Variants in NRG3 observed in about 807,000 individuals in gnomAD.
The protein encoded by NRG3 is neuregulin 3, also known as pro-neuregulin-3, membrane-bound isoform.
Under a neutral mutation model 66.9 loss-of-function variants are expected in NRG3, and 31 were observed. The observed-to-expected ratio is 0.46, with a 90% confidence interval of 0.35 to 0.63. The LOEUF is 0.63. Among genes scored for constraint, NRG3 ranks in the 20% least tolerant of loss-of-function variants. NRG3 has a pLI of 0.00. For synonymous variants in NRG3, 393 were observed against 359.4 expected (o/e 1.09, Z -1.06); for missense variants, 910 against 878.9 (o/e 1.04, Z -0.45).
chr10:82,484,571 A>G (rs1842534484), intron 2 of NRG3, among the ~76,000 whole-genome samples: 1 of 152,192 alleles, frequency 6.6e-6, no homozygotes, highest in South Asian at 2.1e-4. Context: ...TACATAAGCT[A>G]TCTTTGGCAT....
At chr10:82,556,024 G>T (rs1258898173) in intron 2 of NRG3, among the ~76,000 whole-genome samples, 1 of 152,022 alleles carries the variant, frequency 6.6e-6, no homozygotes, top group African/African-American at 2.4e-5. Context: ...TCTTGTCAAG[G>T]TCACCAAATT....
intron 1 of NRG3, among the ~76,000 whole-genome samples, chr10:82,270,629 C>T (rs2078542926): frequency 6.6e-6 from 1 of 152,044 alleles, no homozygotes; most frequent in Admixed American, 6.6e-5. Context: ...GTCAACTTTC[C>T]TTTGCCCTTC....
chr10:82,702,767 CT>C (rs2055984671), intron 2 of NRG3, among the ~76,000 whole-genome samples: 2 of 152,058 alleles, frequency 1.3e-5, no homozygotes, highest in South Asian at 4.2e-4. Context: ...TCCAGATGTA[CT>C]GAGCTGGGGA....
chr10:82,719,633 C>T (rs1258274833), intron 2 of NRG3, among the ~76,000 whole-genome samples: 7 of 152,160 alleles, frequency 4.6e-5, no homozygotes, highest in Admixed American at 4.6e-4. Flanking sequence ...TCTAGGGTTT[C>T]AGCTCCTGTC....
intron 4 of NRG3, among the ~76,000 whole-genome samples, chr10:82,922,835 C>G (rs1923565): frequency 0.49 from 73,773 of 151,872 alleles, 19,166 homozygotes; most frequent in East Asian, 0.68. Flanking sequence ...TCCATATTGT[C>G]CCATCCCCCT....
chr10:82,141,777 T>C (rs938905885), intron 1 of NRG3, among the ~76,000 whole-genome samples: 2 of 152,154 alleles, frequency 1.3e-5, no homozygotes, highest in African/African-American at 4.8e-5. Flanking sequence ...AAGTAACTTT[T>C]TTGATAAGCA....
chr10:82,784,033 GA>G (rs1202878138), intron 3 of NRG3, among the ~76,000 whole-genome samples: 2 of 151,864 alleles, frequency 1.3e-5, no homozygotes, highest in African/African-American at 4.9e-5. Flanking sequence ...GAACAGAACA[GA>G]GCCCTCAGAA....
chr10:82,602,230 C>T (rs1281473899), intron 2 of NRG3, among the ~76,000 whole-genome samples: 3 of 152,062 alleles, frequency 2.0e-5, no homozygotes, highest in Non-Finnish European at 2.9e-5. Flanking sequence ...TATGTTTCTT[C>T]TCTGGCCTAC....
At chr10:82,736,279 T>C (rs1022828410) in intron 2 of NRG3, among the ~76,000 whole-genome samples, 8 of 152,260 alleles carry the variant, frequency 5.3e-5, no homozygotes, top group Admixed American at 5.2e-4. Context: ...CTTTGCTTCT[T>C]GTCTTTAATA....
intron 2 of NRG3, among the ~76,000 whole-genome samples, chr10:82,665,598 C>T (rs973050504): frequency 6.6e-6 from 1 of 152,150 alleles, no homozygotes. Context: ...TCATAAGCAT[C>T]TTTAGTCCTT....
intron 4 of NRG3, among the ~76,000 whole-genome samples, chr10:82,925,792 T>A (rs925400612): frequency 3.3e-5 from 5 of 152,240 alleles, no homozygotes. Context: ...TGCAACTCCA[T>A]GTGTGTAGAA....
chr10:82,616,922 A>G (rs2048690851), intron 2 of NRG3, among the ~76,000 whole-genome samples: 1 of 152,134 alleles, frequency 6.6e-6, no homozygotes. Flanking sequence ...GGCAGGAATT[A>G]TTTTTACTTT....
intron 1 of NRG3, among the ~76,000 whole-genome samples, chr10:82,250,574 G>A (rs983874988): frequency 4.6e-5 from 7 of 152,102 alleles, no homozygotes; most frequent in African/African-American, 1.7e-4. Flanking sequence ...GGCAACAAGA[G>A]CGAAACTCCG....
chr10:82,404,441 A>G lies in NRG3; in HGVS notation c.953+45573A>G, dbSNP rs73303031. ...TATTATCCAATTTTACAGCCAGTCC[A>G]TGTGAGGCACAGCCTTGCCAAAGTT... On this transcript the variant is annotated intron_variant, in intron 2 of 8. Coordinates refer to ENST00000372141, the MANE Select transcript of NRG3 (RefSeq NM_001010848.4). Among the ~76,000 whole-genome samples, 1,065 of 152,322 alleles carry G rather than the reference A, an allele frequency of 7.0e-3. 14 individuals carry two copies. The highest frequency in any genetic ancestry group is 0.025 in the African/African-American group (1,027 of 41,570).
intron 1 of NRG3, among the ~76,000 whole-genome samples, chr10:82,228,278 G>T (rs1003260794): frequency 1.3e-5 from 2 of 152,172 alleles, no homozygotes; most frequent in Non-Finnish European, 2.9e-5. Context: ...TTGTAGAGTT[G>T]AATTCAAGTT....
intron 1 of NRG3, among the ~76,000 whole-genome samples, chr10:81,923,595 C>T (rs1183480269): frequency 2.6e-5 from 4 of 152,160 alleles, no homozygotes; most frequent in African/African-American, 9.7e-5. Flanking sequence ...TTGTTTTCTC[C>T]TCCATTTTCC....
intron 6 of NRG3, among the ~76,000 whole-genome samples, chr10:82,970,024 AT>A (rs904754998): frequency 1.3e-5 from 2 of 151,964 alleles, no homozygotes; most frequent in African/African-American, 4.8e-5. Context: ...TGTAGTATTC[AT>A]TTATGGACAT....
intron 4 of NRG3, among the ~76,000 whole-genome samples, chr10:82,887,236 C>G (rs1842803022): frequency 6.6e-6 from 1 of 152,106 alleles, no homozygotes; most frequent in African/African-American, 2.4e-5. Flanking sequence ...TGTTGCTGGA[C>G]AATTGGATTT....
At chr10:82,300,722 G>T (rs180783985) in intron 1 of NRG3, among the ~76,000 whole-genome samples, 12 of 152,216 alleles carry the variant, frequency 7.9e-5, no homozygotes, top group Admixed American at 3.9e-4. Context: ...TTCCCTAATG[G>T]ATTCTCTTAG....
Sources: gnomAD v4.1 joint callset for allele counts (sites outside exome capture counted in the v4.1 genomes callset) on GRCh38, gnomAD v4.1.1 for gene constraint, MANE v1.5 for transcripts, NCBI Gene and HGNC (gene_info 2026-07-23, HGNC 2026-07-21) for gene names.